ARHGEF37: variants seen among roughly 807,000 people sequenced by gnomAD.
ARHGEF37 encodes Rho guanine nucleotide exchange factor (GEF) 37.
ARHGEF37 carries 55 observed loss-of-function variants against 71.1 expected under a neutral mutation model. That is an observed-to-expected ratio of 0.77 (90% CI 0.62 to 0.97). The LOEUF (loss-of-function observed/expected upper bound fraction) is 0.97, where lower values mean the gene tolerates loss of function less well. Among genes scored for constraint, ARHGEF37 ranks in the 50% least tolerant of loss-of-function variants. ARHGEF37 has a pLI of 0.00. For synonymous variants in ARHGEF37, 327 were observed against 350.6 expected (o/e 0.93, Z 0.75); for missense variants, 765 against 836.8 (o/e 0.91, Z 1.06).
At chr5:149,618,806 T>G in intron 6 of ARHGEF37, 132 bp from the exon 7 acceptor site, 1 of 733,520 alleles carries the variant, frequency 1.4e-6, no homozygotes, top group South Asian at 1.6e-5. Flanking sequence ...CCCTCTCAGC[T>G]TTGGGGTTGC....
intron 4 of ARHGEF37, among the ~76,000 whole-genome samples, chr5:149,615,611 G>A (rs1303231529): frequency 6.6e-6 from 1 of 151,658 alleles, no homozygotes; most frequent in Non-Finnish European, 1.5e-5. Context: ...ATTTTTTTTG[G>A]TCGGGTGTGG....
At chr5:149,582,189 G>T (rs1035447503) in intron 1 of ARHGEF37, among the ~76,000 whole-genome samples, 1 of 152,242 alleles carries the variant, frequency 6.6e-6, no homozygotes, top group East Asian at 1.9e-4. Context: ...CAGACAGCCT[G>T]CCCAGGCACT....
intron 2 of ARHGEF37, among the ~76,000 whole-genome samples, chr5:149,598,421 TCTC>T (rs964294353): frequency 5.4e-5 from 8 of 148,736 alleles, no homozygotes; most frequent in African/African-American, 2.0e-4. Flanking sequence ...TTCTCCTTCT[TCTC>T]CTTCTCCTTC....
chr5:149,583,990 A>G (rs1320178798), intron 1 of ARHGEF37, among the ~76,000 whole-genome samples: 1 of 152,046 alleles, frequency 6.6e-6, no homozygotes, highest in African/African-American at 2.4e-5. Context: ...GAACTCCTGG[A>G]TGCCAGTGAT....
At chr5:149,623,881 C>T in intron 9 of ARHGEF37, 131 bp from the exon 10 acceptor site, 1 of 1,245,682 alleles carries the variant, frequency 8.0e-7, no homozygotes, top group Non-Finnish European at 1.1e-6. Context: ...AGATCCTGCA[C>T]AGGGTCAAGG....
intron 4 of ARHGEF37, among the ~76,000 whole-genome samples, chr5:149,614,695 C>T (rs913305803): frequency 1.1e-4 from 17 of 152,150 alleles, no homozygotes; most frequent in Admixed American, 9.8e-4. Flanking sequence ...CCAGGACACC[C>T]TTGGTGAGAG....
At chr5:149,628,437 C>T (rs1007645792) in intron 11 of ARHGEF37, among the ~76,000 whole-genome samples, 9 of 152,188 alleles carry the variant, frequency 5.9e-5, no homozygotes, top group African/African-American at 2.2e-4. Flanking sequence ...TCTCCGCCTC[C>T]TAGGAAAGGC....
At chr5:149,594,181 G>A (rs1763483784) in intron 1 of ARHGEF37, among the ~76,000 whole-genome samples, 1 of 152,158 alleles carries the variant, frequency 6.6e-6, no homozygotes, top group African/African-American at 2.4e-5. Flanking sequence ...CTGCTAGGAG[G>A]TCTAGATTGC....
chr5:149,633,324 C>T lies in ARHGEF37; in HGVS notation c.*1133C>T, dbSNP rs1451921626. On this transcript the variant is annotated 3_prime_UTR_variant, in exon 13 of 13. Transcript: ENST00000333677. ...CCCCGGCATGCTGCCCTCCCCCACG[C>T]CCATGCCTGTGGCAGCAAACCTTGT... is the stretch of plus-strand genomic sequence containing the variant. 1 of 152,380 alleles carries T rather than the reference C, an allele frequency of 6.6e-6. No homozygotes were observed. Among genetic ancestry groups the T allele is most frequent in the Non-Finnish European group, 1.5e-5 (1 of 68,138 alleles). The allele number at this position is 152,380 out of a possible 1,614,324, so 9.4% of individuals were successfully genotyped here.
chr5:149,626,554 G>A (rs1465430603), intron 10 of ARHGEF37, among the ~76,000 whole-genome samples: 1 of 152,150 alleles, frequency 6.6e-6, no homozygotes, highest in Non-Finnish European at 1.5e-5. Context: ...TTTCCACAGT[G>A]CCCTGTAAAT....
chr5:149,607,958 C>T (rs57077174), intron 3 of ARHGEF37, among the ~76,000 whole-genome samples: 17,721 of 151,678 alleles, frequency 0.12, 1,222 homozygotes, highest in East Asian at 0.3. Context: ...TTAGTAGAGA[C>T]GGGATTTCAT....
At chr5:149,599,572 A>T (rs564674353) in intron 2 of ARHGEF37, among the ~76,000 whole-genome samples, 2 of 152,244 alleles carry the variant, frequency 1.3e-5, no homozygotes, top group African/African-American at 4.8e-5. Context: ...TTACAAGCAC[A>T]TGCCACCACA....
At position 149,632,379 on chromosome 5, in the gene ARHGEF37, C is replaced by G. The variant is rs1044658901; in HGVS notation, c.*188C>G. 6.4e-6 allele frequency: 4 copies of G among 628,244 alleles called. No homozygotes were observed. Among genetic ancestry groups the G allele is most frequent in the Admixed American group, 5.9e-5 (2 of 33,976 alleles). 38.9% of individuals were successfully genotyped at this position (628,244 alleles called of 1,614,324 possible). A position where few individuals can be genotyped will look rare whatever the true frequency, so the allele number is the denominator to read the frequency against. On this transcript the variant is annotated 3_prime_UTR_variant, in exon 13 of 13. Coordinates refer to ENST00000333677, the MANE Select transcript of ARHGEF37 (RefSeq NM_001001669.3). Reference sequence around the variant, plus strand: ...CAGAGTGCTTGGTGTGGTGGGGGCACAGGAGGCTCCAGCCAGGACTGCTCA... The same window carrying G: ...CAGAGTGCTTGGTGTGGTGGGGGCAGAGGAGGCTCCAGCCAGGACTGCTCA...
chr5:149,567,247 T>C (rs1477868026), intron 1 of ARHGEF37, among the ~76,000 whole-genome samples: 2 of 152,232 alleles, frequency 1.3e-5, no homozygotes, highest in African/African-American at 2.4e-5. Flanking sequence ...CAGGTTATAC[T>C]TTTTGGCAGG....
rs116373268 is a variant in ARHGEF37 at position 149,594,262 on chromosome 5, T to G, written c.-11-3497T>G. 4.5e-3 allele frequency among the ~76,000 whole-genome samples: 693 copies of G among 152,340 alleles called. 5 individuals are homozygous for G. The highest frequency in any genetic ancestry group is 0.014 in the Middle Eastern group (4 of 294). On this transcript the variant is annotated intron_variant, in intron 1 of 12. Transcript: ENST00000333677. ...TCTCTGTAAAGTATTTCTCATGATT[T>G]TATTTATTTAGCAACAGTTTTGAGT...
rs1009697453 is a variant in ARHGEF37 at position 149,633,025 on chromosome 5, TA to T, written c.*835del. On this transcript the variant is annotated 3_prime_UTR_variant, in exon 13 of 13. Transcript: ENST00000333677. ...GATAAGGCCTGGTGGGTGGGGAGGT[TA>T]GGGAATGGCTTGCTTTCCTGTTTCT... 1 of 152,772 alleles carries T rather than the reference TA, an allele frequency of 6.5e-6. No individual in the cohort carries two copies. The highest frequency in any genetic ancestry group is 2.4e-5 in the African/African-American group (1 of 41,440). 9.5% of individuals were successfully genotyped at this position (152,772 alleles called of 1,614,324 possible).
At chr5:149,620,327 G>A (rs1277888449) in intron 7 of ARHGEF37, 27 bp from the exon 8 acceptor site, 3 of 1,538,744 alleles carry the variant, frequency 1.9e-6, no homozygotes, top group Non-Finnish European at 2.7e-6. Flanking sequence ...GGCATGATTG[G>A]ATGTTTCTCC....
rs1470775249 is a variant in ARHGEF37, at chr5:149,607,532, T to G, written c.311-2016T>G. Among the ~76,000 whole-genome samples the G allele has an allele frequency of 2.0e-5, 3 of 152,248 alleles. No individual in the cohort carries two copies. In the East Asian group the frequency reaches 5.8e-4, roughly 29 times the overall value. The stretch of plus-strand genomic sequence containing the variant: ...ATGTGTATTGTCTCACGCATCCATG[T>G]GAAGAGACCACCAAACAGGATTTGT... On this transcript the variant is annotated intron_variant, in intron 3 of 12. Transcript: ENST00000333677.
chr5:149,614,408 G>C (rs763944659), intron 4 of ARHGEF37, among the ~76,000 whole-genome samples: 16 of 151,840 alleles, frequency 1.1e-4, no homozygotes, highest in Non-Finnish European at 1.8e-4. Context: ...TTCAATTTCT[G>C]TTGCCTATCT....
Sources: gnomAD v4.1 joint callset for allele counts (sites outside exome capture counted in the v4.1 genomes callset) on GRCh38, gnomAD v4.1.1 for gene constraint, MANE v1.5 for transcripts, NCBI Gene and HGNC (gene_info 2026-07-23, HGNC 2026-07-21) for gene names.